Variants in ERVV-1 observed in about 807,000 individuals in gnomAD.
ERVV-1 encodes endogenous retrovirus group V member 1, envelope, also known as endogenous retrovirus group V member 1 Env polyprotein.
For missense variants in ERVV-1, 150 were observed against 456.5 expected, an observed-to-expected ratio of 0.33 and a Z score of 6.12; for synonymous variants, 59 against 170.2, an observed-to-expected ratio of 0.35 and a Z score of 5.09.
rs2083783190 is a variant in ERVV-1, at chr19:53,015,330, G to T, written c.1240G>T (p.Gly414Trp). The T allele has an allele frequency of 1.4e-6, 1 of 705,668 alleles. No individual in the cohort carries two copies. The highest frequency in any genetic ancestry group is 1.5e-5 in the South Asian group (1 of 67,624). 43.7% of individuals were successfully genotyped at this position (705,668 alleles called of 1,614,324 possible). The stretch of plus-strand genomic sequence containing the variant: ...CTGTTGCATTTATGTCAATAACAGT[G>T]GGGCGATAGAGGAGGATATAAAAAA... ...KSCCIYVNNS[G>W]AIEEDIKKIY... The change falls in exon 1 of 1, where the codon GGG becomes TGG. Residue 414 changes from glycine (G) to tryptophan (W), a missense_variant. Coordinates refer to ENST00000602168, the MANE Select transcript of ERVV-1 (RefSeq NM_152473.3).
Position 53,014,187 on chromosome 19 carries a change from A to C in ERVV-1, c.97A>C (p.Lys33Gln). Residue 33 changes from lysine to glutamine, a missense_variant, in exon 1 of 1, where the codon AAA becomes CAA. By Grantham distance (53) the Lys-to-Gln change is moderately conservative. Coordinates refer to ENST00000602168, the MANE Select transcript of ERVV-1 (RefSeq NM_152473.3). ...TGAAAATTCCCTTGTCAGTTTTTCC[A>C]AAATAATTGCTTCGGGAAACCATCT... ...WNENSLVSFS[K>Q]IIASGNHLSN... 7.0e-7 allele frequency: 1 copy of C among 1,437,620 alleles called. No individual in the cohort carries two copies. 89.1% of individuals were successfully genotyped at this position (1,437,620 alleles called of 1,614,324 possible). A position where few individuals can be genotyped will look rare whatever the true frequency, so the allele number is the denominator to read the frequency against.
chr19:53,015,403 C>T lies in ERVV-1; in HGVS notation c.1313C>T (p.Ser438Leu). 1 of 703,302 alleles carries T rather than the reference C, an allele frequency of 1.4e-6. No homozygotes were observed. The highest frequency in any genetic ancestry group is 2.7e-5 in the East Asian group (1 of 37,284). 43.6% of individuals were successfully genotyped at this position (703,302 alleles called of 1,614,324 possible). A position where few individuals can be genotyped will look rare whatever the true frequency, so the allele number is the denominator to read the frequency against. Residue 438 changes from serine (S) to leucine (L), a missense_variant, in exon 1 of 1, where the codon TCA becomes TTA. Physicochemically the swap from Ser to Leu is moderately radical, Grantham distance 145. Transcript: ENST00000602168. ...CTCCATAACTTTGGAAAAGGTGATT[C>T]AGCAGGGTCCATTTGGGAGGCTGTG... The part of the protein sequence containing the change: ...TWLHNFGKGD[S>L]AGSIWEAVKS...
rs568523021 is a variant in ERVV-1, at chr19:53,015,676, G to A, written c.*152G>A. The A allele has an allele frequency of 3.0e-5, 17 of 570,874 alleles. No individual in the cohort carries two copies. The highest frequency in any genetic ancestry group is 2.5e-4 in the African/African-American group (13 of 52,844). The allele number at this position is 570,874 out of a possible 1,614,324, so 35.4% of individuals were successfully genotyped here. On this transcript the variant is annotated 3_prime_UTR_variant, in exon 1 of 1. Coordinates refer to ENST00000602168, the MANE Select transcript of ERVV-1 (RefSeq NM_152473.3). Reference sequence around the variant, plus strand: ...CAGTGGGCAAAGATTCTGCAACTACGGAGGGGCTCCTTCCCTGACAGAGAG... The same window carrying A: ...CAGTGGGCAAAGATTCTGCAACTACAGAGGGGCTCCTTCCCTGACAGAGAG...
At position 53,014,140 on chromosome 19, in the gene ERVV-1, T is replaced by C. The variant is rs1183316642; in HGVS notation, c.50T>C (p.Leu17Pro). Residue 17 changes from leucine to proline, a missense_variant, in exon 1 of 1, where the codon CTA (leucine) becomes CCA (proline). By Grantham distance (98) the Leu-to-Pro change is moderately conservative (BLOSUM62 -3). Transcript: ENST00000602168. ...TATCTTTCCCTCCTTCCCATGCCCC[T>C]ACTCTCACAGGCACAGTGGAATGAA... is the stretch of plus-strand genomic sequence containing the variant. ...FLYLSLLPMP[L>P]LSQAQWNENS... is the part of the protein sequence containing the mutation. 1 of 1,499,270 alleles carries C rather than the reference T, an allele frequency of 6.7e-7. No homozygotes were observed. The highest frequency in any genetic ancestry group is 9.0e-7 in the Non-Finnish European group (1 of 1,116,724). 92.9% of individuals were successfully genotyped at this position (1,499,270 alleles called of 1,614,324 possible).
chr19:53,015,225 A>C lies in ERVV-1; in HGVS notation c.1135A>C (p.Asn379His), dbSNP rs2122256148. ...CAAGGCCTCCATAGATTCTCTAGCA[A>C]ATGTAGTCATGAACAACAGATTGGC... Reference protein sequence around the residue: ...KLKASIDSLANVVMNNRLALD... With the variant: ...KLKASIDSLAHVVMNNRLALD... The change falls in exon 1 of 1, where the codon AAT (asparagine) becomes CAT (histidine). Residue 379 changes from asparagine to histidine, a missense_variant. Transcript: ENST00000602168. The C allele has an allele frequency of 1.3e-6, 1 of 784,214 alleles. No homozygotes were observed. Among genetic ancestry groups the C allele is most frequent in the African/African-American group, 1.7e-5 (1 of 58,184 alleles). The allele number at this position is 784,214 out of a possible 1,614,324, so 48.6% of individuals were successfully genotyped here.
rs1650925 is a variant in ERVV-1 at position 53,015,494 on chromosome 19, G to T, written c.1404G>T (p.Leu468=). The T allele has an allele frequency of 1.0e-2, 6,765 of 678,492 alleles. 305 individuals carry two copies. The African/African-American group carries it at 0.1, about 10-fold the overall frequency. The allele number at this position is 678,492 out of a possible 1,614,324, so 42.0% of individuals were successfully genotyped here. Residue 468 remains leucine (L), a synonymous_variant, in exon 1 of 1, where the codon CTG becomes CTT. Coordinates refer to ENST00000602168, the MANE Select transcript of ERVV-1 (RefSeq NM_152473.3). ...TGGGACCAGCTGCACTTAATAGCCT[G>T]CTTTCTCCTCTTTGGCCCTTGTCTC... The part of the protein sequence containing the change: ...PLLGPAALNS[L]LSPLWPLSL
chr19:53,015,708 A>C lies in ERVV-1; in HGVS notation c.*184A>C, dbSNP rs753560651. The C allele has an allele frequency of 3.7e-6, 2 of 543,662 alleles. No individual in the cohort carries two copies. The highest frequency in any genetic ancestry group is 6.4e-6 in the Non-Finnish European group (2 of 312,338). The allele number at this position is 543,662 out of a possible 1,614,324, so 33.7% of individuals were successfully genotyped here. Reference sequence around the variant, plus strand: ...CTCCTTCCCTGACAGAGAGCAAGAGAGGGAGACCCTGATGACTTCTTCGTC... The same window carrying C: ...CTCCTTCCCTGACAGAGAGCAAGAGCGGGAGACCCTGATGACTTCTTCGTC... On this transcript the variant is annotated 3_prime_UTR_variant, in exon 1 of 1. Transcript: ENST00000602168.
rs1600759783 is a variant in ERVV-1 at position 53,015,281 on chromosome 19, A to G, written c.1191A>G (p.Gly397=). The G allele has an allele frequency of 4.2e-6, 3 of 715,936 alleles. No homozygotes were observed. The highest frequency in any genetic ancestry group is 7.6e-6 in the Non-Finnish European group (3 of 397,100). The allele number at this position is 715,936 out of a possible 1,614,324, so 44.3% of individuals were successfully genotyped here. The change falls in exon 1 of 1, where the codon GGA becomes GGG. Residue 397 remains glycine (G), a synonymous_variant. Coordinates refer to ENST00000602168, the MANE Select transcript of ERVV-1 (RefSeq NM_152473.3). ...ALDYLLAEQG[G]VCAVISKSCC... is the part of the protein sequence containing the mutation. ...ATTACCTCTTAGCAGAGCAGGGTGG[A>G]GTCTGTGCAGTGATCAGTAAATCCT...
rs140876268 is a variant in ERVV-1 at position 53,014,925 on chromosome 19, C to T, written c.835C>T (p.Pro279Ser). The change falls in exon 1 of 1, where the codon CCT becomes TCT. Residue 279 changes from proline to serine, a missense_variant. By Grantham distance (74) the Pro-to-Ser change is moderately conservative. Transcript: ENST00000602168. ...TCCTAAGATAACTTATTCAACCCCC[C>T]CTGTGGCAAACCTCTACACTTGCAT... is the stretch of plus-strand genomic sequence containing the variant. Reference protein sequence around the residue: ...GSPKITYSTPPVANLYTCINN... With the variant: ...GSPKITYSTPSVANLYTCINN... 3.9e-6 allele frequency: 6 copies of T among 1,528,100 alleles called. No individual in the cohort carries two copies. Among genetic ancestry groups the T allele is most frequent in the South Asian group, 3.6e-5 (3 of 83,622 alleles). 94.7% of individuals were successfully genotyped at this position (1,528,100 alleles called of 1,614,324 possible).
chr19:53,015,322 A>G lies in ERVV-1; in HGVS notation c.1232A>G (p.Asn411Ser), dbSNP rs181021623. The G allele has an allele frequency of 1.9e-4, 136 of 706,564 alleles. No homozygotes were observed. Among genetic ancestry groups the G allele is most frequent in the Non-Finnish European group, 2.5e-4 (96 of 388,340 alleles). The allele number at this position is 706,564 out of a possible 1,614,324, so 43.8% of individuals were successfully genotyped here. ...VISKSCCIYV[N>S]NSGAIEEDIK... ...AGTAAATCCTGTTGCATTTATGTCAATAACAGTGGGGCGATAGAGGAGGAT... is the reference window on the plus strand; with the variant it reads ...AGTAAATCCTGTTGCATTTATGTCAGTAACAGTGGGGCGATAGAGGAGGAT... Residue 411 changes from asparagine to serine, a missense_variant, in exon 1 of 1, where the codon AAT becomes AGT. Coordinates refer to ENST00000602168, the MANE Select transcript of ERVV-1 (RefSeq NM_152473.3).
rs990927351 is a variant in ERVV-1 at position 53,015,548 on chromosome 19, C to T, written c.*24C>T. ...AATTCACTAATTAAATATGTCTCTT[C>T]CAGGATATGGCAATTTCACACAGAG... is the stretch of plus-strand genomic sequence containing the variant. On this transcript the variant is annotated 3_prime_UTR_variant, in exon 1 of 1. Transcript: ENST00000602168. 1 of 621,304 alleles carries T rather than the reference C, an allele frequency of 1.6e-6. No individual in the cohort carries two copies. Among genetic ancestry groups the T allele is most frequent in the East Asian group, 2.7e-5 (1 of 36,676 alleles). The allele number at this position is 621,304 out of a possible 1,614,324, so 38.5% of individuals were successfully genotyped here.
chr19:53,013,933 G>T lies in ERVV-1; in HGVS notation c.-158G>T. The stretch of plus-strand genomic sequence containing the variant: ...GGGGAATCTTGGTTGCGGTGGCATC[G>T]GTTCTTCTCCTTATTTTGACCCACA... On this transcript the variant is annotated 5_prime_UTR_variant, in exon 1 of 1. Transcript: ENST00000602168. 1.9e-6 allele frequency: 2 copies of T among 1,062,492 alleles called. No individual in the cohort carries two copies. The highest frequency in any genetic ancestry group is 2.7e-6 in the Non-Finnish European group (2 of 750,188). 65.8% of individuals were successfully genotyped at this position (1,062,492 alleles called of 1,614,324 possible).
Position 53,015,654 on chromosome 19 carries a change from T to C in ERVV-1, c.*130T>C, listed in dbSNP as rs1169381880. Reference sequence around the variant, plus strand: ...AGTACATATCTCCCTTGGATGCCAGTGGGCAAAGATTCTGCAACTACGGAG... The same window carrying C: ...AGTACATATCTCCCTTGGATGCCAGCGGGCAAAGATTCTGCAACTACGGAG... On this transcript the variant is annotated 3_prime_UTR_variant, in exon 1 of 1. Coordinates refer to ENST00000602168, the MANE Select transcript of ERVV-1 (RefSeq NM_152473.3). 1 of 576,514 alleles carries C rather than the reference T, an allele frequency of 1.7e-6. No homozygotes were observed. 35.7% of individuals were successfully genotyped at this position (576,514 alleles called of 1,614,324 possible).
rs556877432 is a variant in ERVV-1, at chr19:53,015,410, G to T, written c.1320G>T (p.Gly440=). Residue 440 remains glycine, a synonymous_variant, in exon 1 of 1, where the codon GGG becomes GGT. Coordinates refer to ENST00000602168, the MANE Select transcript of ERVV-1 (RefSeq NM_152473.3). ...ACTTTGGAAAAGGTGATTCAGCAGG[G>T]TCCATTTGGGAGGCTGTGAAGTCTG... is the stretch of plus-strand genomic sequence containing the variant. The part of the protein sequence containing the change: ...LHNFGKGDSA[G]SIWEAVKSAL... 2.1e-5 allele frequency: 15 copies of T among 703,052 alleles called. No homozygotes were observed. Among genetic ancestry groups the T allele is most frequent in the Non-Finnish European group, 3.9e-5 (15 of 385,188 alleles). The allele number at this position is 703,052 out of a possible 1,614,324, so 43.6% of individuals were successfully genotyped here. A position where few individuals can be genotyped will look rare whatever the true frequency, so the allele number is the denominator to read the frequency against.
In ERVV-1 at chr19:53,015,750, T is replaced by C. The variant is rs967992250; in HGVS notation, c.*226T>C. ...TTCTTCGTCCCACGTCAGCAGGAAG[T>C]AGTTACAGAAGACCCACGACGTCCT... On this transcript the variant is annotated 3_prime_UTR_variant, in exon 1 of 1. Transcript: ENST00000602168. The C allele has an allele frequency of 3.5e-5, 17 of 480,648 alleles. No individual in the cohort carries two copies. The highest frequency in any genetic ancestry group is 5.4e-5 in the Non-Finnish European group (15 of 277,866). 29.8% of individuals were successfully genotyped at this position (480,648 alleles called of 1,614,324 possible).
In ERVV-1 at chr19:53,015,422, G is replaced by A; in HGVS notation, c.1332G>A (p.Glu444=). 1.4e-6 allele frequency: 1 copy of A among 703,078 alleles called. No individual in the cohort carries two copies. Among genetic ancestry groups the A allele is most frequent in the Admixed American group, 2.0e-5 (1 of 50,004 alleles). The allele number at this position is 703,078 out of a possible 1,614,324, so 43.6% of individuals were successfully genotyped here. ...GTGATTCAGCAGGGTCCATTTGGGAGGCTGTGAAGTCTGCCCTCCCCTCCC... is the reference window on the plus strand; with the variant it reads ...GTGATTCAGCAGGGTCCATTTGGGAAGCTGTGAAGTCTGCCCTCCCCTCCC... The part of the protein sequence containing the change: ...GKGDSAGSIW[E]AVKSALPSLT... The change falls in exon 1 of 1, where the codon GAG becomes GAA. Residue 444 remains glutamate, a synonymous_variant. Coordinates refer to ENST00000602168, the MANE Select transcript of ERVV-1 (RefSeq NM_152473.3).
rs1448573671 is a variant in ERVV-1, at chr19:53,015,362, T to C, written c.1272T>C (p.Tyr424=). 1.4e-6 allele frequency: 1 copy of C among 704,330 alleles called. No individual in the cohort carries two copies. Among genetic ancestry groups the C allele is most frequent in the Non-Finnish European group, 2.6e-6 (1 of 386,400 alleles). The allele number at this position is 704,330 out of a possible 1,614,324, so 43.6% of individuals were successfully genotyped here. The part of the protein sequence containing the change: ...GAIEEDIKKI[Y]DEVTWLHNFG... ...TAGAGGAGGATATAAAAAAGATCTA[T>C]GATGAGGTTACGTGGCTCCATAACT... The change falls in exon 1 of 1, where the codon TAT becomes TAC. Residue 424 remains tyrosine, a synonymous_variant. Transcript: ENST00000602168.
chr19:53,014,878 A>G lies in ERVV-1; in HGVS notation c.788A>G (p.Asn263Ser). Residue 263 changes from asparagine (N) to serine (S), a missense_variant, in exon 1 of 1, where the codon AAT becomes AGT. Physicochemically the swap from Asn to Ser is conservative, Grantham distance 46. Transcript: ENST00000602168. ...GYVFLCGPQKNKLPFDGSPKI... is the reference protein window; with the variant it reads ...GYVFLCGPQKSKLPFDGSPKI... ...GTATTTTTATGTGGGCCACAAAAAA[A>G]TAAACTGCCCTTTGATGGAAGTCCT... 6.5e-7 allele frequency: 1 copy of G among 1,535,758 alleles called. No homozygotes were observed. Among genetic ancestry groups the G allele is most frequent in the Non-Finnish European group, 8.7e-7 (1 of 1,146,750 alleles).
In ERVV-1 at chr19:53,013,989, C is replaced by G. The variant is rs1650927; in HGVS notation, c.-102C>G. The G allele has an allele frequency of 5.4e-3, 8,218 of 1,518,166 alleles. 287 individuals are homozygous for G. The African/African-American group carries it at 0.098, about 18-fold the overall frequency. The allele number at this position is 1,518,166 out of a possible 1,614,324, so 94.0% of individuals were successfully genotyped here. ...ATGCCACCTGAAGTCCCGATAACAG[C>G]CTGATTTCTCACTAAACACTCCATC... On this transcript the variant is annotated 5_prime_UTR_variant, in exon 1 of 1. Transcript: ENST00000602168.
Sources: gnomAD v4.1 joint callset for allele counts on GRCh38, gnomAD v4.1.1 for gene constraint, MANE v1.5 for transcripts, NCBI Gene and HGNC (gene_info 2026-07-23, HGNC 2026-07-21) for gene names.